AGBL4: variants seen among roughly 807,000 people sequenced by gnomAD.
AGBL4 encodes the protein cytosolic carboxypeptidase 6.
In AGBL4, 58 loss-of-function variants were observed where a neutral mutation model predicts 66.4. That is an observed-to-expected ratio of 0.87 (90% CI 0.71 to 1.09). The LOEUF (loss-of-function observed/expected upper bound fraction) is 1.09, where lower values mean the gene tolerates loss of function less well. Among genes scored for constraint, AGBL4 ranks in the 50% least tolerant of loss-of-function variants. The pLI is 0.00. For synonymous variants in AGBL4, 234 were observed against 222.9 expected (o/e 1.05, Z -0.44); for missense variants, 579 against 631.0 (o/e 0.92, Z 0.88).
chr1:49,311,615 A>G (rs957407130), intron 3 of AGBL4, among the ~76,000 whole-genome samples: 1 of 152,078 alleles, frequency 6.6e-6, no homozygotes, highest in African/African-American at 2.4e-5. Context: ...CCAAAAAAAG[A>G]TGAGGCACTC....
chr1:49,418,006 T>C (rs1645465689), intron 3 of AGBL4, among the ~76,000 whole-genome samples: 1 of 152,218 alleles, frequency 6.6e-6, no homozygotes, highest in African/African-American at 2.4e-5. Flanking sequence ...GTTTGTTTTA[T>C]TTTTCATATG....
At chr1:49,556,984 C>T (rs549226121) in intron 3 of AGBL4, among the ~76,000 whole-genome samples, 81 of 152,236 alleles carry the variant, frequency 5.3e-4, no homozygotes, top group African/African-American at 1.9e-3. Flanking sequence ...CGGTGCCTGC[C>T]GGCTGCTAGC....
chr1:49,992,651 G>A (rs1279847634), intron 1 of AGBL4, among the ~76,000 whole-genome samples: 1 of 151,918 alleles, frequency 6.6e-6, no homozygotes, highest in African/African-American at 2.4e-5. Flanking sequence ...TCATCCCTAT[G>A]ATCCTTCATA....
chr1:48,788,896 C>A (rs1488019324), intron 6 of AGBL4, among the ~76,000 whole-genome samples: 1 of 152,076 alleles, frequency 6.6e-6, no homozygotes, highest in Non-Finnish European at 1.5e-5. Context: ...AAATGAAACG[C>A]ATATTTTAGG....
At chr1:49,779,446 A>C (rs150443881) in intron 2 of AGBL4, among the ~76,000 whole-genome samples, 1 of 152,136 alleles carries the variant, frequency 6.6e-6, no homozygotes, top group African/African-American at 2.4e-5. Flanking sequence ...GATGTGTTTC[A>C]TTGCTGAGGA....
At chr1:49,369,145 A>T (rs1270246843) in intron 3 of AGBL4, among the ~76,000 whole-genome samples, 1 of 152,200 alleles carries the variant, frequency 6.6e-6, no homozygotes, top group Non-Finnish European at 1.5e-5. Context: ...TCAAAGTCTC[A>T]CAAAATTAGC....
intron 3 of AGBL4, among the ~76,000 whole-genome samples, chr1:49,615,736 A>G (rs1300502825): frequency 6.6e-6 from 1 of 152,160 alleles, no homozygotes; most frequent in Admixed American, 6.5e-5. Flanking sequence ...TGGGTCAATC[A>G]GAATCCTTTT....
chr1:49,403,436 C>T (rs1378437571), intron 3 of AGBL4, among the ~76,000 whole-genome samples: 2 of 151,982 alleles, frequency 1.3e-5, no homozygotes, highest in East Asian at 3.9e-4. Context: ...TTGCTTGATT[C>T]TTTTTAATTA....
At chr1:49,030,050 G>A (rs1015241601) in intron 5 of AGBL4, among the ~76,000 whole-genome samples, 1 of 152,036 alleles carries the variant, frequency 6.6e-6, no homozygotes, top group Non-Finnish European at 1.5e-5. Context: ...AAATTATAAA[G>A]CTCTTAGAAG....
In AGBL4 at chr1:49,074,973, C is replaced by T. The variant is rs1644682176; in HGVS notation, c.378-29173G>A. On this transcript the variant is annotated intron_variant, in intron 4 of 13. Transcript: ENST00000371839. Reference sequence around the variant, plus strand: ...AAGACAAAATATTAGGCCAATATATCCACTTTTACATTAAAATATCTAGAA... The same window carrying T: ...AAGACAAAATATTAGGCCAATATATTCACTTTTACATTAAAATATCTAGAA... Among the ~76,000 whole-genome samples the T allele has an allele frequency of 2.6e-5, 4 of 152,094 alleles. No homozygotes were observed. The South Asian group carries it at 6.2e-4, about 24-fold the overall frequency.
At chr1:49,140,855 G>C (rs1374075044) in intron 4 of AGBL4, among the ~76,000 whole-genome samples, 6 of 152,116 alleles carry the variant, frequency 3.9e-5, no homozygotes, top group African/African-American at 1.4e-4. Context: ...CATGTGACTG[G>C]CACAACTCTG....
At chr1:48,818,172 G>A in intron 6 of AGBL4, 1 of 716,958 alleles carries the variant, frequency 1.4e-6, no homozygotes, top group African/African-American at 1.7e-5. Context: ...AATTTGGAAA[G>A]GCCACCATTC....
chr1:49,776,938 TAATA>T (rs1437829105), intron 2 of AGBL4, among the ~76,000 whole-genome samples: 1 of 152,102 alleles, frequency 6.6e-6, no homozygotes, highest in Non-Finnish European at 1.5e-5. Flanking sequence ...AGTTCACAAA[TAATA>T]AATAACTGAA....
chr1:48,811,328 G>C (rs186068173), intron 6 of AGBL4, among the ~76,000 whole-genome samples: 20 of 152,274 alleles, frequency 1.3e-4, no homozygotes, highest in Admixed American at 5.2e-4. Context: ...TTGGGGAGGA[G>C]AACTGCCCAC....
chr1:49,568,191 A>C (rs1041493126), intron 3 of AGBL4, among the ~76,000 whole-genome samples: 3 of 152,180 alleles, frequency 2.0e-5, no homozygotes, highest in Admixed American at 1.3e-4. Context: ...GAAAGAGAGA[A>C]AGTCAAACTA....
chr1:49,073,564 G>C (rs998449870), intron 4 of AGBL4, among the ~76,000 whole-genome samples: 4 of 152,136 alleles, frequency 2.6e-5, no homozygotes, highest in African/African-American at 4.8e-5. Flanking sequence ...TGTTTGCCTG[G>C]GTATCACCAG....
chr1:49,517,626 T>C (rs888233076), intron 3 of AGBL4, among the ~76,000 whole-genome samples: 7 of 151,952 alleles, frequency 4.6e-5, no homozygotes, highest in Admixed American at 1.3e-4. Context: ...AAAGCACTAC[T>C]ACCTCCATTT....
At chr1:49,816,084 G>T (rs1046401484) in intron 2 of AGBL4, among the ~76,000 whole-genome samples, 1 of 151,982 alleles carries the variant, frequency 6.6e-6, no homozygotes, top group African/African-American at 2.4e-5. Context: ...ATGGGGTCTT[G>T]CTATGTTGCC....
At chr1:49,372,603 T>A (rs1395009831) in intron 3 of AGBL4, among the ~76,000 whole-genome samples, 1 of 146,884 alleles carries the variant, frequency 6.8e-6, no homozygotes, top group African/African-American at 2.5e-5. Flanking sequence ...TCTTTTCTTT[T>A]TCTTTTTCTT....
Sources: gnomAD v4.1 joint callset for allele counts (sites outside exome capture counted in the v4.1 genomes callset) on GRCh38, gnomAD v4.1.1 for gene constraint, MANE v1.5 for transcripts, NCBI Gene and HGNC (gene_info 2026-07-23, HGNC 2026-07-21) for gene names.